SHTN1: variants seen among roughly 807,000 people sequenced by gnomAD.
The protein encoded by SHTN1 is shootin 1, also known as shootin-1.
A neutral mutation model predicts 83.1 loss-of-function variants in SHTN1; 42 were observed. The ratio of observed to expected loss-of-function variants is 0.51; its 90% CI spans 0.39 to 0.65. The LOEUF is 0.65. Ranked by LOEUF, SHTN1 falls within the 30% of genes least tolerant of loss-of-function variation. The pLI is 0.00. For synonymous variants in SHTN1, 224 were observed against 247.7 expected (o/e 0.90, Z 0.90); for missense variants, 622 against 737.8 (o/e 0.84, Z 1.82).
At chr10:117,102,866 CATAA>C (rs1479899460) in intron 1 of SHTN1, among the ~76,000 whole-genome samples, 1 of 152,152 alleles carries the variant, frequency 6.6e-6, no homozygotes, top group African/African-American at 2.4e-5. Context: ...ATGGACTCAG[CATAA>C]CTACTGGCCC....
chr10:116,987,245 G>A (rs1417672505), intron 1 of SHTN1, among the ~76,000 whole-genome samples: 1 of 152,054 alleles, frequency 6.6e-6, no homozygotes, highest in Non-Finnish European at 1.5e-5. Context: ...ACATCCTAGG[G>A]ACACAGGGTC....
chr10:116,980,792 C>G (rs1002748059), intron 1 of SHTN1, among the ~76,000 whole-genome samples: 1 of 152,038 alleles, frequency 6.6e-6, no homozygotes. Context: ...CTATGGTGAT[C>G]GAAAGGGTTC....
chr10:116,973,842 C>CTTTACCTG, intron 2 of SHTN1: 2 of 1,272,592 alleles, frequency 1.6e-6, no homozygotes, highest in East Asian at 5.6e-5. Context: ...ATTGTGTGTA[C>CTTTACCTG]TTTACCTGTT....
intron 1 of SHTN1, among the ~76,000 whole-genome samples, chr10:116,988,819 C>T (rs1345922811): frequency 2.0e-5 from 3 of 152,118 alleles, no homozygotes; most frequent in African/African-American, 7.2e-5. Flanking sequence ...GGATTATAGG[C>T]ATGAACCATC....
intron 1 of SHTN1, among the ~76,000 whole-genome samples, chr10:117,050,754 G>C (rs1004507762): frequency 3.9e-5 from 6 of 152,018 alleles, no homozygotes; most frequent in Non-Finnish European, 7.4e-5. Flanking sequence ...CTGAGAACAG[G>C]CTGGGCATGG....
intron 1 of SHTN1, among the ~76,000 whole-genome samples, chr10:116,985,452 C>G (rs1851186849): frequency 6.6e-6 from 1 of 152,118 alleles, no homozygotes; most frequent in African/African-American, 2.4e-5. Context: ...AAATAATCCT[C>G]TTGGTTAAAG....
intron 1 of SHTN1, among the ~76,000 whole-genome samples, chr10:117,002,891 T>C (rs1851872621): frequency 6.6e-6 from 1 of 152,192 alleles, no homozygotes. Context: ...ATCAAGGAAA[T>C]ATATCCTCTA....
intron 1 of SHTN1, among the ~76,000 whole-genome samples, chr10:117,092,928 T>C (rs1853454527): frequency 6.6e-6 from 1 of 152,124 alleles, no homozygotes; most frequent in African/African-American, 2.4e-5. Context: ...CTAATAGCAG[T>C]ACATGAAGAA....
In SHTN1 at chr10:117,025,103, C is replaced by T. The variant is rs546423351; in HGVS notation, c.-123+23342G>A. Reference sequence around the variant, plus strand: ...CACACAAAAACACTTTCATAAGAACCAAAAATCAGGTGAGAACTCACAGGA... The same window carrying T: ...CACACAAAAACACTTTCATAAGAACTAAAAATCAGGTGAGAACTCACAGGA... On this transcript the variant is annotated intron_variant, in intron 2 of 17. Coordinates refer to the SHTN1 transcript ENST00000392901. Among the ~76,000 whole-genome samples, 116 of 152,184 alleles carry T rather than the reference C, an allele frequency of 7.6e-4. 2 individuals carry two copies. The South Asian group carries it at 0.022, about 29-fold the overall frequency.
intron 12 of SHTN1, among the ~76,000 whole-genome samples, chr10:116,919,985 A>C (rs970286206): frequency 4.6e-5 from 7 of 152,236 alleles, no homozygotes; most frequent in Non-Finnish European, 8.8e-5. Context: ...GATGCTGCCA[A>C]GAAGAGTAAA....
At chr10:116,933,333 A>C (rs1849038047) in intron 9 of SHTN1, among the ~76,000 whole-genome samples, 1 of 149,358 alleles carries the variant, frequency 6.7e-6, no homozygotes, top group Non-Finnish European at 1.5e-5. Context: ...CCACCCCCCG[A>C]CAGGCCCTGG....
At chr10:117,069,342 G>T (rs1272181968) in intron 1 of SHTN1, among the ~76,000 whole-genome samples, 1 of 152,124 alleles carries the variant, frequency 6.6e-6, no homozygotes, top group Non-Finnish European at 1.5e-5. Flanking sequence ...AAGAACGAGT[G>T]GGAAGTGAGG....
At chr10:117,053,323 G>C (rs1852775865) in intron 1 of SHTN1, among the ~76,000 whole-genome samples, 1 of 151,948 alleles carries the variant, frequency 6.6e-6, no homozygotes, top group Non-Finnish European at 1.5e-5. Flanking sequence ...AGAGTGAAAA[G>C]AAGACTCACA....
At chr10:116,999,285 TGATA>T (rs1194041624) in intron 1 of SHTN1, among the ~76,000 whole-genome samples, 1 of 152,174 alleles carries the variant, frequency 6.6e-6, no homozygotes, top group Non-Finnish European at 1.5e-5. Context: ...ACATATTACA[TGATA>T]AATACATATG....
At chr10:117,054,812 C>T (rs758792169) in intron 1 of SHTN1, among the ~76,000 whole-genome samples, 5 of 152,054 alleles carry the variant, frequency 3.3e-5, no homozygotes, top group Admixed American at 1.3e-4. Flanking sequence ...CCACCTATAG[C>T]GTGTAAGACT....
At chr10:116,916,425 A>C (rs146129320) in intron 12 of SHTN1, among the ~76,000 whole-genome samples, 1 of 152,246 alleles carries the variant, frequency 6.6e-6, no homozygotes, top group East Asian at 1.9e-4. Context: ...GGACCTTCCA[A>C]TTACCATCTT....
intron 16 of SHTN1, among the ~76,000 whole-genome samples, chr10:116,886,882 T>G (rs1847181241): frequency 6.6e-6 from 1 of 152,204 alleles, no homozygotes. Flanking sequence ...ATGGACAAAC[T>G]GTGAACTTCT....
chr10:116,887,266 C>A (rs905303890), intron 16 of SHTN1, among the ~76,000 whole-genome samples: 12 of 152,206 alleles, frequency 7.9e-5, no homozygotes, highest in Admixed American at 5.9e-4. Flanking sequence ...TCTCTCGTCT[C>A]TTCTGCTGCA....
chr10:117,006,127 A>T (rs1412563503), upstream of SHTN1, among the ~76,000 whole-genome samples: 2 of 152,200 alleles, frequency 1.3e-5, no homozygotes, highest in Non-Finnish European at 2.9e-5. Context: ...TTTGAACTTC[A>T]TCTGAAGAAT....
Sources: gnomAD v4.1 joint callset for allele counts (sites outside exome capture counted in the v4.1 genomes callset) on GRCh38, gnomAD v4.1.1 for gene constraint, MANE v1.5 for transcripts, NCBI Gene and HGNC (gene_info 2026-07-23, HGNC 2026-07-21) for gene names.